Variants in KCNU1 observed in about 807,000 individuals in gnomAD.
KCNU1 encodes the protein potassium calcium-activated channel subfamily U member 1, also known as potassium channel subfamily U member 1.
In KCNU1, 93 loss-of-function variants were observed where a neutral mutation model predicts 126.8. The observed-to-expected ratio is 0.73, with a 90% CI of 0.62 to 0.87. The LOEUF is 0.87. KCNU1 is among the 40% of genes least tolerant of loss of function. The pLI is 0.00. For synonymous variants in KCNU1, 523 were observed against 494.2 expected (o/e 1.06, Z -0.77); for missense variants, 1,330 against 1,367.1 (o/e 0.97, Z 0.43).
At chr8:36,860,155 G>T (rs1315207161) in intron 18 of KCNU1, among the ~76,000 whole-genome samples, 1 of 152,108 alleles carries the variant, frequency 6.6e-6, no homozygotes, top group African/African-American at 2.4e-5. Flanking sequence ...TCAGCTCACT[G>T]CAGTCTCCGC....
intron 10 of KCNU1, 96 bp from the exon 11 acceptor site, chr8:36,833,458 G>A: frequency 3.0e-6 from 2 of 670,306 alleles, no homozygotes; most frequent in East Asian, 5.5e-5. Context: ...CACTATGAGG[G>A]ATTCTACTAA....
intron 7 of KCNU1, among the ~76,000 whole-genome samples, chr8:36,812,602 A>G (rs1434789538): frequency 6.6e-6 from 1 of 152,220 alleles, no homozygotes; most frequent in East Asian, 1.9e-4. Context: ...AGTTTAAAAT[A>G]ATAAGAATTC....
rs945956944 is a variant in KCNU1 at position 36,889,081 on chromosome 8, G to A, written c.2010-16627G>A. 1.1e-5 allele frequency: 6 copies of A among 527,234 alleles called. No individual in the cohort carries two copies. In the African/African-American group the frequency reaches 1.2e-4, roughly 10 times the overall value. 32.7% of individuals were successfully genotyped at this position (527,234 alleles called of 1,614,324 possible). A position where few individuals can be genotyped will look rare whatever the true frequency, so the allele number is the denominator to read the frequency against. ...TTTAGTAGAGACAGGGTTTCACCATGTTGGCCAGGCTGATCTCGAACTCCT... is the reference window on the plus strand; with the variant it reads ...TTTAGTAGAGACAGGGTTTCACCATATTGGCCAGGCTGATCTCGAACTCCT... On this transcript the variant is annotated intron_variant, in intron 19 of 26. Coordinates refer to ENST00000399881, the MANE Select transcript of KCNU1 (RefSeq NM_001031836.3).
intron 18 of KCNU1, among the ~76,000 whole-genome samples, chr8:36,855,848 C>T (rs1805510672): frequency 1.3e-5 from 2 of 151,964 alleles, no homozygotes; most frequent in Non-Finnish European, 2.9e-5. Context: ...TATTTCAGCA[C>T]TTTTCAATGA....
At chr8:36,894,104 T>C (rs1292821509) in intron 19 of KCNU1, among the ~76,000 whole-genome samples, 1 of 152,150 alleles carries the variant, frequency 6.6e-6, no homozygotes, top group Non-Finnish European at 1.5e-5. Flanking sequence ...AAATGCTATT[T>C]TAAAATGATG....
intron 19 of KCNU1, among the ~76,000 whole-genome samples, chr8:36,882,249 C>A (rs1806514434): frequency 6.6e-6 from 1 of 152,192 alleles, no homozygotes; most frequent in Non-Finnish European, 1.5e-5. Context: ...ACACCTGAAA[C>A]CAGCAGGGCT....
intron 18 of KCNU1, among the ~76,000 whole-genome samples, chr8:36,847,109 G>C (rs1240400800): frequency 6.6e-6 from 1 of 152,026 alleles, no homozygotes; most frequent in Non-Finnish European, 1.5e-5. Context: ...GCTCCTCCTG[G>C]CTTTGGGTCA....
At position 36,909,734 on chromosome 8, in the gene KCNU1, G is replaced by A. The variant is rs371418286; in HGVS notation, c.2331+199G>A. 8.5e-5 allele frequency among the ~76,000 whole-genome samples: 13 copies of A among 152,210 alleles called. No individual in the cohort carries two copies. The East Asian group carries it at 1.7e-3, about 20-fold the overall frequency. On this transcript the variant is annotated intron_variant, in intron 21 of 26. Transcript: ENST00000399881. ...TTAAATTTATTGAACTTTAAGCACC[G>A]GAAGAGTAAGTAACTTGACCAAGAT...
intron 19 of KCNU1, among the ~76,000 whole-genome samples, chr8:36,885,047 GA>G (rs1806641870): frequency 1.3e-5 from 2 of 152,322 alleles, no homozygotes; most frequent in South Asian, 4.1e-4. Flanking sequence ...GGGAAGCACT[GA>G]AGCTGTAAAC....
chr8:36,919,960 C>T lies in KCNU1; in HGVS notation c.2596+1063C>T, dbSNP rs11986719. 3.9e-3 allele frequency among the ~76,000 whole-genome samples: 593 copies of T among 152,276 alleles called. 8 individuals carry two copies. The highest frequency in any genetic ancestry group is 0.014 in the African/African-American group (574 of 41,564). ...GAGGTGAGGCACTGCCTCATTGCTA[C>T]CTAGCTTTCCTGACCATTTTGTGGA... On this transcript the variant is annotated intron_variant, in intron 23 of 26. Transcript: ENST00000399881.
chr8:36,923,597 A>G (rs1475130796), intron 24 of KCNU1, among the ~76,000 whole-genome samples: 1 of 152,170 alleles, frequency 6.6e-6, no homozygotes, highest in Non-Finnish European at 1.5e-5. Flanking sequence ...TCAGCAAGGC[A>G]ATCTTTACTT....
chr8:36,865,317 A>C (rs1805865256), intron 19 of KCNU1, among the ~76,000 whole-genome samples: 1 of 152,160 alleles, frequency 6.6e-6, no homozygotes, highest in Admixed American at 6.6e-5. Context: ...AAAATTAAGA[A>C]TAAAACTACT....
chr8:36,825,696 CTT>C (rs1352947542), intron 10 of KCNU1, among the ~76,000 whole-genome samples: 1 of 152,184 alleles, frequency 6.6e-6, no homozygotes, highest in East Asian at 1.9e-4. Context: ...ACCCCTAAAA[CTT>C]TTAAATTTTC....
At chr8:36,819,780 A>C (rs1804053970) in intron 10 of KCNU1, among the ~76,000 whole-genome samples, 1 of 152,112 alleles carries the variant, frequency 6.6e-6, no homozygotes, top group Non-Finnish European at 1.5e-5. Flanking sequence ...TTGTGGTGGT[A>C]GAGTTTCCTT....
At chr8:36,910,487 A>G (rs1807826774) in intron 21 of KCNU1, among the ~76,000 whole-genome samples, 1 of 152,202 alleles carries the variant, frequency 6.6e-6, no homozygotes, top group African/African-American at 2.4e-5. Context: ...GAAAGAAGCG[A>G]CTGCCACTTT....
intron 24 of KCNU1, among the ~76,000 whole-genome samples, chr8:36,925,618 C>T (rs1324238130): frequency 6.6e-6 from 1 of 152,134 alleles, no homozygotes; most frequent in Non-Finnish European, 1.5e-5. Context: ...CTTCCCATCA[C>T]CAAAGAAAGA....
chr8:36,785,419 G>A (rs1011728715), intron 1 of KCNU1, among the ~76,000 whole-genome samples: 1 of 152,094 alleles, frequency 6.6e-6, no homozygotes, highest in African/African-American at 2.4e-5. Context: ...CATTTCACCT[G>A]TGCATCATAA....
chr8:36,886,824 G>A (rs1806723403), intron 19 of KCNU1, among the ~76,000 whole-genome samples: 1 of 152,018 alleles, frequency 6.6e-6, no homozygotes, highest in South Asian at 2.1e-4. Context: ...TGAATCTTCA[G>A]TATCCCTTAT....
chr8:36,881,771 C>G (rs1288200165), intron 19 of KCNU1, among the ~76,000 whole-genome samples: 1 of 149,884 alleles, frequency 6.7e-6, no homozygotes, highest in Non-Finnish European at 1.5e-5. Flanking sequence ...CTGCCTACCT[C>G]ATGGTGTTGC....
Sources: allele counts gnomAD v4.1 joint callset (sites outside exome capture counted in the v4.1 genomes callset), GRCh38; gene constraint gnomAD v4.1.1; transcripts MANE v1.5; gene names NCBI Gene and HGNC (gene_info 2026-07-23, HGNC 2026-07-21).